PCDHA1: variants seen among roughly 807,000 people sequenced by gnomAD.
PCDHA1 encodes protocadherin alpha 1, also known as protocadherin alpha-1.
In PCDHA1, 42 loss-of-function variants were observed where a neutral mutation model predicts 61.3. The ratio of observed to expected loss-of-function variants is 0.69; its 90% CI spans 0.54 to 0.89. The LOEUF (loss-of-function observed/expected upper bound fraction) is 0.89, where lower values mean the gene tolerates loss of function less well. Ranked by LOEUF, PCDHA1 falls within the 40% of genes least tolerant of loss-of-function variation. The pLI, the probability that PCDHA1 is intolerant of heterozygous loss-of-function variation, is 0.00. For missense variants in PCDHA1, 1,256 were observed against 1,235.3 expected (o/e 1.02, Z -0.25); for synonymous variants, 610 against 553.8 (o/e 1.10, Z -1.43).
chr5:140,827,891 A>C, intron 1 of PCDHA1: 1 of 712,378 alleles, frequency 1.4e-6, no homozygotes, highest in South Asian at 1.9e-5. Flanking sequence ...TTGATTTCTT[A>C]CCTTTTGGAG....
intron 3 of PCDHA1, among the ~76,000 whole-genome samples, chr5:140,994,367 G>C (rs2097617491): frequency 6.6e-6 from 1 of 152,110 alleles, no homozygotes; most frequent in African/African-American, 2.4e-5. Context: ...AGATGGAATT[G>C]GAAATTCAGG....
At chr5:140,884,390 T>C in intron 1 of PCDHA1, 7 of 1,613,968 alleles carry the variant, frequency 4.3e-6, no homozygotes, top group Middle Eastern at 1.6e-4. Context: ...CTGCGCGGTG[T>C]CCAGCCTGTT....
chr5:140,795,287 T>G, intron 1 of PCDHA1: 16 of 1,613,972 alleles, frequency 9.9e-6, no homozygotes, highest in Non-Finnish European at 1.4e-5. Context: ...CACGTGGAGG[T>G]GATCGTGGAC....
chr5:141,009,941 C>T lies in PCDHA1; in HGVS notation c.*4C>T, dbSNP rs976573218. On this transcript the variant is annotated 3_prime_UTR_variant, in exon 4 of 4. Coordinates refer to ENST00000504120, the MANE Select transcript of PCDHA1 (RefSeq NM_018900.4). ...GACTGACAACAGTGACCAGTGAGGT[C>T]CTCAAATGGAAACAAGCCACTTAGC... is the stretch of plus-strand genomic sequence containing the variant. 6.3e-7 allele frequency: 1 copy of T among 1,597,476 alleles called. No individual in the cohort carries two copies. The highest frequency in any genetic ancestry group is 1.4e-5 in the African/African-American group (1 of 73,558).
intron 1 of PCDHA1, chr5:140,843,007 G>T (rs2150349965): frequency 6.3e-7 from 1 of 1,594,864 alleles, no homozygotes; most frequent in African/African-American, 1.3e-5. Flanking sequence ...ATGACAACGC[G>T]CCGGCACTGC....
chr5:140,798,200 G>A (rs1011781900), intron 1 of PCDHA1, among the ~76,000 whole-genome samples: 3 of 152,134 alleles, frequency 2.0e-5, no homozygotes, highest in Admixed American at 1.3e-4. Context: ...AGCAGCCTGA[G>A]TGGATATTTT....
chr5:140,918,175 CT>C (rs1429626043), intron 1 of PCDHA1, among the ~76,000 whole-genome samples: 2 of 152,076 alleles, frequency 1.3e-5, no homozygotes, highest in Non-Finnish European at 2.9e-5. Context: ...GCATTGTGTT[CT>C]TGATTTGGCC....
chr5:140,855,331 A>C (rs1554147752), intron 1 of PCDHA1, among the ~76,000 whole-genome samples: 1 of 149,982 alleles, frequency 6.7e-6, no homozygotes, highest in Non-Finnish European at 1.5e-5. Flanking sequence ...GGGAGAGGTT[A>C]AACGATTTTC....
At chr5:140,926,911 G>A (rs1248832475) in intron 1 of PCDHA1, 4 of 1,561,318 alleles carry the variant, frequency 2.6e-6, no homozygotes, top group Non-Finnish European at 3.5e-6. Flanking sequence ...CTGTGGGGTG[G>A]CAGTTTTATG....
At chr5:140,962,405 C>A (rs2095680586) in intron 1 of PCDHA1, among the ~76,000 whole-genome samples, 1 of 152,200 alleles carries the variant, frequency 6.6e-6, no homozygotes, top group South Asian at 2.1e-4. Context: ...TGCCCCAAAC[C>A]TGTCTCTCCC....
intron 1 of PCDHA1, chr5:140,926,866 G>C: frequency 6.6e-7 from 1 of 1,524,204 alleles, no homozygotes; most frequent in Non-Finnish European, 8.8e-7. Flanking sequence ...GTAGCGTGTT[G>C]GTGGAACGTG....
chr5:140,946,277 A>G (rs1055326524), intron 1 of PCDHA1, among the ~76,000 whole-genome samples: 5 of 152,186 alleles, frequency 3.3e-5, no homozygotes, highest in Admixed American at 1.3e-4. Context: ...TAAAACCCCA[A>G]TGAGATATCA....
chr5:141,011,182 G>T lies in PCDHA1; in HGVS notation c.*1245G>T, dbSNP rs887034679. On this transcript the variant is annotated 3_prime_UTR_variant, in exon 4 of 4. Coordinates refer to ENST00000504120, the MANE Select transcript of PCDHA1 (RefSeq NM_018900.4). ...TATATATCAAGACCCAAAAATTGAA[G>T]AAAAATATTGTTTTCTCATACAGTG... 1.3e-5 allele frequency: 2 copies of T among 153,494 alleles called. No individual in the cohort carries two copies. Among genetic ancestry groups the T allele is most frequent in the Admixed American group, 6.6e-5 (1 of 15,254 alleles). The allele number at this position is 153,494 out of a possible 1,614,324, so 9.5% of individuals were successfully genotyped here.
chr5:140,954,025 C>A (rs533473552), intron 1 of PCDHA1, among the ~76,000 whole-genome samples: 1 of 152,072 alleles, frequency 6.6e-6, no homozygotes, highest in African/African-American at 2.4e-5. Context: ...CATAGTGGGA[C>A]GATGTGGTAT....
intron 1 of PCDHA1, among the ~76,000 whole-genome samples, chr5:140,886,020 A>G (rs1402901328): frequency 2.0e-5 from 3 of 152,182 alleles, no homozygotes; most frequent in African/African-American, 7.2e-5. Flanking sequence ...GATGCTATGT[A>G]TTCTTCACTA....
intron 1 of PCDHA1, chr5:140,866,748 C>CT (rs2049539198): frequency 6.6e-6 from 1 of 152,148 alleles, no homozygotes; most frequent in Non-Finnish European, 1.5e-5. Context: ...ACTTATATGA[C>CT]TAACAGGACA....
At chr5:140,856,902 C>A in intron 1 of PCDHA1, 1 of 1,596,268 alleles carries the variant, frequency 6.3e-7, no homozygotes, top group Non-Finnish European at 8.6e-7. Flanking sequence ...TCTTTGGTCC[C>A]ACCCACGATA....
At chr5:140,959,712 T>G (rs166567) in intron 1 of PCDHA1, among the ~76,000 whole-genome samples, 1 of 152,020 alleles carries the variant, frequency 6.6e-6, no homozygotes, top group African/African-American at 2.4e-5. Flanking sequence ...AAAGGGAAAA[T>G]TTTTAGATAA....
Position 140,841,181 on chromosome 5 carries a change from CAA to C in PCDHA1, c.2394+52499_2394+52500del, listed in dbSNP as rs1777074399. The C allele has an allele frequency of 1.0e-5, 12 of 1,156,490 alleles. 1 individual carries two copies. The highest frequency in any genetic ancestry group is 1.6e-5 in the South Asian group (1 of 61,808). 71.6% of individuals were successfully genotyped at this position (1,156,490 alleles called of 1,614,324 possible). On this transcript the variant is annotated intron_variant, in intron 1 of 3. Transcript: ENST00000504120. ...CAAGAAGTTCTGGTTGGTCAATGTTCAAAGTCTTTTCTCTGACAGCATCTGTC... is the reference window on the plus strand; with the variant it reads ...CAAGAAGTTCTGGTTGGTCAATGTTCAGTCTTTTCTCTGACAGCATCTGTC...
Sources: allele counts gnomAD v4.1 joint callset (sites outside exome capture counted in the v4.1 genomes callset), GRCh38; gene constraint gnomAD v4.1.1; transcripts MANE v1.5; gene names NCBI Gene and HGNC (gene_info 2026-07-23, HGNC 2026-07-21).